The following C4orf33 variants were observed in gnomAD, a reference collection of about 807,000 sequenced individuals.
C4orf33 encodes the protein UPF0462 protein C4orf33.
Under a neutral mutation model 24.3 loss-of-function variants are expected in C4orf33, and 20 were observed. The observed-to-expected ratio is 0.82, with a 90% CI of 0.58 to 1.19. The LOEUF (loss-of-function observed/expected upper bound fraction) is 1.19. Among genes scored for constraint, C4orf33 ranks in the 50% most tolerant of loss-of-function variants. The pLI is 0.00. For synonymous variants in C4orf33, 67 were observed against 76.4 expected (o/e 0.88, Z 0.64); for missense variants, 207 against 225.9 (o/e 0.92, Z 0.54).
intron 2 of C4orf33, among the ~76,000 whole-genome samples, chr4:129,103,908 G>A (rs1753439449): frequency 6.6e-6 from 1 of 152,092 alleles, no homozygotes; most frequent in Non-Finnish European, 1.5e-5. Flanking sequence ...CACACATTTT[G>A]TCAGTGTTAA....
intron 1 of C4orf33, among the ~76,000 whole-genome samples, chr4:129,100,971 T>C (rs905218617): frequency 3.3e-5 from 5 of 152,190 alleles, no homozygotes; most frequent in African/African-American, 1.2e-4. Flanking sequence ...AAATTTATTA[T>C]TGAGGTATTT....
At chr4:129,111,533 G>C (rs1753690171) in intron 5 of C4orf33, among the ~76,000 whole-genome samples, 153 bp from the exon 6 acceptor site, 1 of 152,200 alleles carries the variant, frequency 6.6e-6, no homozygotes, top group South Asian at 2.1e-4. Flanking sequence ...GCTAGAGTGA[G>C]AAAACTGTAC....
chr4:129,110,516 A>T (rs1033517210), intron 5 of C4orf33, among the ~76,000 whole-genome samples: 1 of 152,124 alleles, frequency 6.6e-6, no homozygotes, highest in African/African-American at 2.4e-5. Context: ...TTGCTGCTCT[A>T]TATCTCTCTA....
intron 1 of C4orf33, among the ~76,000 whole-genome samples, chr4:129,101,353 GTAAA>G (rs1216344134): frequency 6.6e-6 from 1 of 152,028 alleles, no homozygotes; most frequent in Non-Finnish European, 1.5e-5. Context: ...GTAAAAGACT[GTAAA>G]TAACTTATGA....
Position 129,103,398 on chromosome 4 carries a change from T to A in C4orf33, c.181+607T>A, listed in dbSNP as rs554072756. 3.3e-5 allele frequency among the ~76,000 whole-genome samples: 5 copies of A among 152,332 alleles called. No homozygotes were observed. In the South Asian group the frequency reaches 1.0e-3, roughly 32 times the overall value. On this transcript the variant is annotated intron_variant, in intron 2 of 5. Coordinates refer to ENST00000425929, the MANE Select transcript of C4orf33 (RefSeq NM_001099783.2). ...TATGCTGAGAAGAGTTCAGGATTCC[T>A]GTTTTGTATTTAAGTATCTTTAAAT...
Position 129,106,619 on chromosome 4 carries a change from G to A in C4orf33, c.214G>A (p.Glu72Lys). The A allele has an allele frequency of 6.5e-7, 1 of 1,546,498 alleles. No homozygotes were observed. The highest frequency in any genetic ancestry group is 8.8e-7 in the Non-Finnish European group (1 of 1,133,158). ...AGCATTTTTCTTGAATGATATAACT[G>A]AGCAATATTTAGAAGTTGAACTTTG... Reference protein sequence around the residue: ...VEAFFLNDITEQYLEVELCPH... With the variant: ...VEAFFLNDITKQYLEVELCPH... Residue 72 changes from glutamate (E) to lysine (K), a missense_variant, in exon 3 of 6, where the codon GAG (glutamate) becomes AAG (lysine). Glu to Lys is a moderately conservative substitution (Grantham distance 56). Coordinates refer to ENST00000425929, the MANE Select transcript of C4orf33 (RefSeq NM_001099783.2).
rs150941780 is a variant in C4orf33 at position 129,109,646 on chromosome 4, A to G, written c.468A>G (p.Glu156=). Residue 156 remains glutamate, a synonymous_variant, in exon 5 of 6, where the codon GAA becomes GAG. Transcript: ENST00000425929. The stretch of plus-strand genomic sequence containing the variant: ...CTCTTTACCCTGTACCTCAGCATGA[A>G]CTGCAGCAAGGACAAAAACCTGATT... The part of the protein sequence containing the change: ...YEALYPVPQH[E]LQQGQKPDFH... 555 of 1,613,700 alleles carry G rather than the reference A, an allele frequency of 3.4e-4. No individual in the cohort carries two copies. Among genetic ancestry groups the G allele is most frequent in the Non-Finnish European group, 4.5e-4 (526 of 1,179,914 alleles).
chr4:129,111,663 A>G (rs1204851101), intron 5 of C4orf33, 23 bp from the exon 6 acceptor site: 4 of 1,413,400 alleles, frequency 2.8e-6, no homozygotes, highest in Admixed American at 1.8e-5. Context: ...TTCAATTCCC[A>G]CCTTCTTTTT....
chr4:129,102,947 T>A, intron 2 of C4orf33, 156 bp downstream of exon 2: 1 of 566,102 alleles, frequency 1.8e-6, no homozygotes, highest in Non-Finnish European at 2.9e-6. Context: ...ATTCTGACTT[T>A]TTCTCCATTA....
chr4:129,097,001 C>T (rs992880497), intron 1 of C4orf33, among the ~76,000 whole-genome samples: 7 of 152,132 alleles, frequency 4.6e-5, no homozygotes, highest in Admixed American at 6.5e-5. Context: ...CCTCCGCCTC[C>T]GGGTTCAAGC....
chr4:129,108,569 C>A (rs1483715830), intron 3 of C4orf33, among the ~76,000 whole-genome samples: 1 of 152,064 alleles, frequency 6.6e-6, no homozygotes, highest in Non-Finnish European at 1.5e-5. Flanking sequence ...AATGAGCTAC[C>A]AGATAGTTTT....
chr4:129,097,871 A>G (rs1580005039), intron 1 of C4orf33, among the ~76,000 whole-genome samples: 1 of 152,238 alleles, frequency 6.6e-6, no homozygotes, highest in African/African-American at 2.4e-5. Flanking sequence ...TAAGTGAAAA[A>G]TGGTAATTTA....
At chr4:129,106,990 TTATAA>T (rs1333868748) in intron 3 of C4orf33, among the ~76,000 whole-genome samples, 1 of 152,028 alleles carries the variant, frequency 6.6e-6, no homozygotes. Context: ...ATTTGCATTA[TTATAA>T]TATAGCTGTT....
chr4:129,109,856 T>C, intron 5 of C4orf33, 184 bp downstream of exon 5: 1 of 955,636 alleles, frequency 1.0e-6, no homozygotes. Flanking sequence ...TGTCATAATC[T>C]CTCTCACTAC....
At chr4:129,101,035 T>C (rs1403064557) in intron 1 of C4orf33, among the ~76,000 whole-genome samples, 2 of 152,336 alleles carry the variant, frequency 1.3e-5, no homozygotes, top group Non-Finnish European at 2.9e-5. Context: ...TTATCACTCA[T>C]TGAGCTTCTA....
chr4:129,102,477 C>A, intron 1 of C4orf33, 125 bp from the exon 2 acceptor site: 2 of 651,046 alleles, frequency 3.1e-6, no homozygotes, highest in Non-Finnish European at 5.1e-6. Context: ...ACTCCCAGGA[C>A]TGTGCTCTTG....
chr4:129,109,954 G>C, intron 5 of C4orf33: 2 of 1,177,622 alleles, frequency 1.7e-6, no homozygotes, highest in South Asian at 4.6e-5. Flanking sequence ...AGCTGATATA[G>C]AAGTATGGTC....
intron 2 of C4orf33, 89 bp from the exon 3 acceptor site, chr4:129,106,498 A>C (rs958095458): frequency 7.6e-6 from 5 of 659,372 alleles, no homozygotes; most frequent in East Asian, 6.5e-5. Flanking sequence ...AAGAATAGTT[A>C]ATTCATTTTA....
At chr4:129,096,478 G>A (rs1753211167) in intron 1 of C4orf33, among the ~76,000 whole-genome samples, 1 of 152,096 alleles carries the variant, frequency 6.6e-6, no homozygotes, top group South Asian at 2.1e-4. Flanking sequence ...GAGGAATTTG[G>A]AAATTTTCCT....
Sources: gnomAD v4.1 joint callset for allele counts (sites outside exome capture counted in the v4.1 genomes callset) on GRCh38, gnomAD v4.1.1 for gene constraint, MANE v1.5 for transcripts, NCBI Gene and HGNC (gene_info 2026-07-23, HGNC 2026-07-21) for gene names.